The following CNTRL variants were observed in gnomAD, a reference collection of about 807,000 sequenced individuals.
CNTRL encodes centriolin.
In CNTRL, 233 loss-of-function variants were observed where a neutral mutation model predicts 303.7. That is an observed-to-expected ratio of 0.77 (90% CI 0.69 to 0.86). The LOEUF is 0.86. Among genes scored for constraint, CNTRL ranks in the 40% least tolerant of loss-of-function variants. The pLI is 0.00. For synonymous variants in CNTRL, 900 were observed against 922.2 expected (o/e 0.98, Z 0.44); for missense variants, 2,524 against 2,650.6 (o/e 0.95, Z 1.05).
chr9:121,095,812 A>G (rs2048868182), intron 5 of CNTRL, among the ~76,000 whole-genome samples: 1 of 147,224 alleles, frequency 6.8e-6, no homozygotes, highest in South Asian at 2.2e-4. Context: ...AGAGGCTTTG[A>G]AGTATTTGTG....
intron 28 of CNTRL, 60 bp downstream of exon 28, chr9:121,157,660 A>C: frequency 6.2e-7 from 1 of 1,605,734 alleles, no homozygotes; most frequent in Non-Finnish European, 8.5e-7. Context: ...GTTTGCTTCT[A>C]AGGGGATAAT....
In CNTRL at chr9:121,114,072, A is replaced by G. The variant is rs1455421170; in HGVS notation, c.1345+348A>G. On this transcript the variant is annotated intron_variant, in intron 10 of 43. Transcript: ENST00000373855. ...AGAACCACTTGATTGATTACTATGC[A>G]TGTAGCAAAAACCTAAAGCAATGCT... Among the ~76,000 whole-genome samples the G allele has an allele frequency of 3.9e-5, 6 of 152,254 alleles. No individual in the cohort carries two copies. The East Asian group carries it at 9.6e-4, about 24-fold the overall frequency.
intron 22 of CNTRL, among the ~76,000 whole-genome samples, chr9:121,145,806 G>A (rs760195533): frequency 2.0e-5 from 3 of 152,226 alleles, no homozygotes; most frequent in African/African-American, 7.2e-5. Flanking sequence ...TGAGGCAGGA[G>A]AATCACTTGA....
At chr9:121,162,435 G>GT in intron 34 of CNTRL, 164 bp downstream of exon 34, 1 of 600,104 alleles carries the variant, frequency 1.7e-6, no homozygotes. Context: ...TTTCCTTCTA[G>GT]CTTTTTTTTT....
At chr9:121,121,813 A>AG (rs2050242220) in intron 12 of CNTRL, 2 of 985,370 alleles carry the variant, frequency 2.0e-6, no homozygotes, top group Non-Finnish European at 1.2e-6. Flanking sequence ...GAAGTTACAG[A>AG]GGCTCGGAGG....
chr9:121,125,931 A>C lies in CNTRL; in HGVS notation c.2020A>C (p.Arg674=), dbSNP rs1287274604. The change falls in exon 14 of 44, where the codon AGG becomes CGG. Residue 674 remains arginine, a synonymous_variant. Coordinates refer to ENST00000373855, the MANE Select transcript of CNTRL (RefSeq NM_007018.6). ...EIVAMDAENM[R]KELAELESAL... ...AGTTGCCATGGATGCAGAAAATATG[A>C]GGAAGGTATGATTTTTTTCCTGCCT... 6.2e-7 allele frequency: 1 copy of C among 1,613,600 alleles called. No homozygotes were observed. The highest frequency in any genetic ancestry group is 1.7e-5 in the Admixed American group (1 of 60,024).
At position 121,163,926 on chromosome 9, in the gene CNTRL, G is replaced by A. The variant is rs192608654; in HGVS notation, c.5424-1017G>A. Among the ~76,000 whole-genome samples the A allele has an allele frequency of 3.5e-3, 519 of 149,964 alleles. 3 individuals carry two copies. Among genetic ancestry groups the A allele is most frequent in the Middle Eastern group, 0.021 (6 of 288 alleles). On this transcript the variant is annotated intron_variant, in intron 34 of 43. Coordinates refer to ENST00000373855, the MANE Select transcript of CNTRL (RefSeq NM_007018.6). The stretch of plus-strand genomic sequence containing the variant: ...GTTGCCCAGGCTGGAGTGCAGTGGC[G>A]CTATCTTGGCTCACTGCAAGCTCCA...
At chr9:121,159,385 G>A (rs1375570919) in intron 31 of CNTRL, among the ~76,000 whole-genome samples, 2 of 152,174 alleles carry the variant, frequency 1.3e-5, no homozygotes, top group East Asian at 1.9e-4. Flanking sequence ...TGTAATCCCA[G>A]CACTTTGGGA....
intron 22 of CNTRL, 115 bp downstream of exon 22, chr9:121,145,500 C>T (rs1481747220): frequency 3.8e-6 from 4 of 1,046,340 alleles, no homozygotes; most frequent in Non-Finnish European, 5.5e-6. Context: ...ATTCAGAGAG[C>T]TGTGGTAATT....
At chr9:121,132,547 G>T (rs1442856910) in intron 14 of CNTRL, among the ~76,000 whole-genome samples, 2 of 152,044 alleles carry the variant, frequency 1.3e-5, no homozygotes, top group Non-Finnish European at 2.9e-5. Flanking sequence ...CTTTTTTCAA[G>T]GTTTTTAGCT....
chr9:121,116,452 C>G (rs1379461065), intron 11 of CNTRL, among the ~76,000 whole-genome samples: 4 of 152,116 alleles, frequency 2.6e-5, no homozygotes, highest in African/African-American at 9.7e-5. Context: ...TCCAGAATAG[C>G]TGGGACTACA....
chr9:121,124,051 G>T lies in CNTRL; in HGVS notation c.1771G>T (p.Glu591Ter). ...TTCTAGAATTGCTAAGGAAACGGAAGAGATTAAGGACCTTGAAGAACAGCT... is the reference window on the plus strand; with the variant it reads ...TTCTAGAATTGCTAAGGAAACGGAATAGATTAAGGACCTTGAAGAACAGCT... ...ILSRIAKETEEIKDLEEQLTE... is the reference protein window; with the variant it reads ...ILSRIAKETE Residue 591 changes from glutamate (E) to a stop codon, truncating the protein, a stop_gained, in exon 13 of 44, where the codon GAG becomes TAG. Transcript: ENST00000373855. LOFTEE classifies it high-confidence loss of function. 1 of 1,612,602 alleles carries T rather than the reference G, an allele frequency of 6.2e-7. No homozygotes were observed. The highest frequency in any genetic ancestry group is 2.2e-5 in the East Asian group (1 of 44,790).
intron 2 of CNTRL, among the ~76,000 whole-genome samples, chr9:121,083,556 G>A (rs948121124): frequency 1.3e-5 from 2 of 151,988 alleles, no homozygotes; most frequent in Admixed American, 6.6e-5. Flanking sequence ...GTTATGTTCT[G>A]GAATACCTCT....
At chr9:121,135,722 A>G (rs1310931817) in intron 14 of CNTRL, 84 bp from the exon 15 acceptor site, 2 of 1,295,878 alleles carry the variant, frequency 1.5e-6, no homozygotes, top group Non-Finnish European at 2.1e-6. Context: ...TTTGGTTTAC[A>G]GTGCTCAAGT....
rs200570034 is a variant in CNTRL, at chr9:121,135,971, A to G, written c.2191A>G (p.Arg731Gly). The G allele has an allele frequency of 3.2e-5, 52 of 1,604,760 alleles. No individual in the cohort carries two copies. In the East Asian group the frequency reaches 1.1e-3, roughly 33 times the overall value. Residue 731 changes from arginine (R) to glycine (G), a missense_variant, in exon 15 of 44, where the codon AGA becomes GGA. Physicochemically the swap from Arg to Gly is moderately radical, Grantham distance 125. Coordinates refer to ENST00000373855, the MANE Select transcript of CNTRL (RefSeq NM_007018.6). ...CAAGGAAGAGTTGGAAAAAGTAACA[A>G]GACTTACCCAGGTAAGTAGGAGCAT... is the stretch of plus-strand genomic sequence containing the variant. ...QLKEELEKVT[R>G]LTQLEQSALQ...
At chr9:121,132,013 T>C (rs893469716) in intron 14 of CNTRL, among the ~76,000 whole-genome samples, 2 of 152,282 alleles carry the variant, frequency 1.3e-5, no homozygotes, top group African/African-American at 4.8e-5. Flanking sequence ...GTTAGTCTGA[T>C]GGGCTTCCCT....
intron 8 of CNTRL, among the ~76,000 whole-genome samples, chr9:121,108,823 A>G (rs912398370): frequency 6.6e-6 from 1 of 152,134 alleles, no homozygotes; most frequent in East Asian, 1.9e-4. Flanking sequence ...ATGTATGTTC[A>G]TTGTAACAAA....
chr9:121,175,323 T>G lies in CNTRL; in HGVS notation c.6954+99T>G, dbSNP rs3789310. 5.5e-5 allele frequency: 56 copies of G among 1,026,386 alleles called. No individual in the cohort carries two copies. The Admixed American group carries it at 7.1e-4, about 13-fold the overall frequency. The allele number at this position is 1,026,386 out of a possible 1,614,324, so 63.6% of individuals were successfully genotyped here. A position where few individuals can be genotyped will look rare whatever the true frequency, so the allele number is the denominator to read the frequency against. ...GCCCTACCGCCCAGGCTGGAGTGCA[T>G]TGGTACCATCACAGCTCACTGCAGC... On this transcript the variant is annotated intron_variant, in intron 43 of 43. Transcript: ENST00000373855.
chr9:121,157,954 T>A, intron 29 of CNTRL, 29 bp from the exon 30 acceptor site: 1 of 1,614,092 alleles, frequency 6.2e-7, no homozygotes, highest in South Asian at 1.1e-5. Flanking sequence ...TCCCTTAGGA[T>A]CTGCTCTAGT....
Sources: gnomAD v4.1 joint callset for allele counts (sites outside exome capture counted in the v4.1 genomes callset) on GRCh38, gnomAD v4.1.1 for gene constraint, MANE v1.5 for transcripts, NCBI Gene and HGNC (gene_info 2026-07-23, HGNC 2026-07-21) for gene names.